Variants in RBM33 observed in about 807,000 individuals in gnomAD.
RBM33 encodes RNA-binding protein 33.
Under a neutral mutation model 132.6 loss-of-function variants are expected in RBM33, and 28 were observed. The observed-to-expected ratio is 0.21, with a 90% CI of 0.16 to 0.29. The LOEUF (loss-of-function observed/expected upper bound fraction) is 0.29. RBM33 is among the 10% of genes least tolerant of loss of function. The probability of loss-of-function intolerance (pLI) is 1.00; values close to 1 mark genes in which losing one functional copy is unlikely to be tolerated. For missense variants in RBM33, 1,291 were observed against 1,518.5 expected (o/e 0.85, Z 2.49); for synonymous variants, 634 against 593.0 (o/e 1.07, Z -1.01).
intron 13 of RBM33, 116 bp from the exon 14 acceptor site, chr7:155,744,845 T>A: frequency 9.5e-7 from 1 of 1,048,944 alleles, no homozygotes; most frequent in Non-Finnish European, 1.3e-6. Context: ...TTGAGTGACT[T>A]CTTTCAGATA....
intron 1 of RBM33, among the ~76,000 whole-genome samples, chr7:155,656,093 C>T (rs1374079311): frequency 6.6e-6 from 1 of 151,944 alleles, no homozygotes; most frequent in Non-Finnish European, 1.5e-5. Flanking sequence ...TATTTGTTGC[C>T]AATGATAATA....
chr7:155,762,932 C>T (rs1386702075), intron 14 of RBM33, among the ~76,000 whole-genome samples: 1 of 152,206 alleles, frequency 6.6e-6, no homozygotes, highest in Non-Finnish European at 1.5e-5. Flanking sequence ...CCTTGCTGTT[C>T]TTTCCCAGCC....
Position 155,742,006 on chromosome 7 carries a change from C to T in RBM33, c.2237C>T (p.Ala746Val). The change falls in exon 13 of 18, where the codon GCC becomes GTC. Residue 746 changes from alanine (A) to valine (V), a missense_variant. Ala to Val is a moderately conservative substitution (Grantham distance 64). Around this residue, in one of 7 missense-constraint regions of RBM33, gnomAD observed 841 missense variants for 912.0 expected, o/e 0.92. Transcript: ENST00000401878. ...GTCAGCGCGTCACCACCCTCGCGGG[C>T]CGTGGCGGGTTCCAGAAGCTCACAG... Reference protein sequence around the residue: ...PIVSASPPSRAVAGSRSSQGK... With the variant: ...PIVSASPPSRVVAGSRSSQGK... 2.5e-6 allele frequency: 4 copies of T among 1,614,008 alleles called. No homozygotes were observed. Among genetic ancestry groups the T allele is most frequent in the Non-Finnish European group, 3.4e-6 (4 of 1,179,902 alleles).
chr7:155,701,170 A>G (rs1799950704), intron 6 of RBM33: 1 of 548,928 alleles, frequency 1.8e-6, no homozygotes, highest in African/African-American at 2.2e-5. Flanking sequence ...AATGTTTAAG[A>G]TAATTAAAAA....
At chr7:155,655,534 CTTTTTTTTTTTT>C (rs756948005) in intron 1 of RBM33, among the ~76,000 whole-genome samples, 2 of 80,114 alleles carry the variant, frequency 2.5e-5, no homozygotes, top group Admixed American at 1.6e-4. Context: ...GGCTGTTTGC[CTTTTTTTTTTTT>C]TTTTTTTTTT....
At chr7:155,657,286 G>A (rs1798518973) in intron 1 of RBM33, among the ~76,000 whole-genome samples, 1 of 152,122 alleles carries the variant, frequency 6.6e-6, no homozygotes, top group South Asian at 2.1e-4. Context: ...CTTCCGGAGT[G>A]CCCGCGCTGA....
chr7:155,698,025 C>T (rs1041160084), intron 5 of RBM33, among the ~76,000 whole-genome samples: 1 of 152,120 alleles, frequency 6.6e-6, no homozygotes, highest in Non-Finnish European at 1.5e-5. Context: ...GCACACTACC[C>T]ATCAGTGGAA....
intron 3 of RBM33, among the ~76,000 whole-genome samples, chr7:155,675,855 A>G (rs572401861): frequency 6.6e-6 from 1 of 152,334 alleles, no homozygotes; most frequent in African/African-American, 2.4e-5. Context: ...GCAGCAGGGA[A>G]TAAGCATTGC....
intron 14 of RBM33, among the ~76,000 whole-genome samples, chr7:155,750,850 T>G (rs1801667341): frequency 6.6e-6 from 1 of 152,144 alleles, no homozygotes; most frequent in Non-Finnish European, 1.5e-5. Context: ...GGCAGCAAAT[T>G]AAGTAAACAG....
intron 5 of RBM33, among the ~76,000 whole-genome samples, chr7:155,696,891 G>A (rs1445186295): frequency 6.6e-6 from 1 of 152,156 alleles, no homozygotes; most frequent in Non-Finnish European, 1.5e-5. Context: ...CGAGTATGCT[G>A]TATGATGTCT....
At chr7:155,647,833 C>T (rs1331561202) in intron 1 of RBM33, among the ~76,000 whole-genome samples, 1 of 152,086 alleles carries the variant, frequency 6.6e-6, no homozygotes, top group Admixed American at 6.5e-5. Context: ...TTATTGGAGA[C>T]TGAAAACAAA....
chr7:155,665,476 G>A (rs1410967507), intron 2 of RBM33, among the ~76,000 whole-genome samples: 1 of 152,192 alleles, frequency 6.6e-6, no homozygotes, highest in African/African-American at 2.4e-5. Context: ...ATAGATCATA[G>A]GTCTTCTGTC....
chr7:155,673,430 GTGTGTGTGTGTA>G (rs1457931591), intron 3 of RBM33, among the ~76,000 whole-genome samples: 1 of 149,042 alleles, frequency 6.7e-6, no homozygotes, highest in Non-Finnish European at 1.5e-5. Flanking sequence ...GTGTGTGTGT[GTGTGTGTGTGTA>G]TGTGTATATA....
intron 4 of RBM33, 58 bp from the exon 5 acceptor site, chr7:155,680,532 T>G (rs1799308749): frequency 2.5e-6 from 3 of 1,194,024 alleles, no homozygotes; most frequent in Non-Finnish European, 3.4e-6. Flanking sequence ...ATATAATGAT[T>G]TAGTTTGAGC....
rs1802675620 is a variant in RBM33 at position 155,777,947 on chromosome 7, C to G, written c.*2906C>G. 2 of 152,646 alleles carry G rather than the reference C, an allele frequency of 1.3e-5. No individual in the cohort carries two copies. Among genetic ancestry groups the G allele is most frequent in the Non-Finnish European group, 2.9e-5 (2 of 68,024 alleles). The allele number at this position is 152,646 out of a possible 1,614,324, so 9.5% of individuals were successfully genotyped here. On this transcript the variant is annotated 3_prime_UTR_variant, in exon 18 of 18. Transcript: ENST00000401878. ...TATGTGGAGCCAAGTTACTTCTTTT[C>G]TTTTTGCATTATCTTGTTTTGGTTT...
intron 5 of RBM33, among the ~76,000 whole-genome samples, chr7:155,687,090 C>G (rs12111893): frequency 0.031 from 4,726 of 152,260 alleles, 234 homozygotes; most frequent in African/African-American, 0.11. Flanking sequence ...GTTTACAGTC[C>G]CACCAACAGT....
chr7:155,695,224 TTTTA>T (rs1441136204), intron 5 of RBM33, among the ~76,000 whole-genome samples: 1 of 152,146 alleles, frequency 6.6e-6, no homozygotes, highest in East Asian at 1.9e-4. Flanking sequence ...TGGGTTGTCT[TTTTA>T]TTTGTTTCTA....
In RBM33 at chr7:155,780,782, A is replaced by T. The variant is rs6962201; in HGVS notation, c.*5741A>T. ...TGACGATTTTCACACTGTGTTTACC[A>T]CTCCATCACCTCTCAACCTTTGCTT... On this transcript the variant is annotated 3_prime_UTR_variant, in exon 18 of 18. Coordinates refer to ENST00000401878, the MANE Select transcript of RBM33 (RefSeq NM_053043.3). The T allele has an allele frequency of 0.03, 4,491 of 150,692 alleles. 65 individuals carry two copies. Among genetic ancestry groups the T allele is most frequent in the Non-Finnish European group, 0.041 (2,756 of 67,656 alleles). The allele number at this position is 150,692 out of a possible 1,614,324, so 9.3% of individuals were successfully genotyped here. A position where few individuals can be genotyped will look rare whatever the true frequency, so the allele number is the denominator to read the frequency against.
intron 6 of RBM33, among the ~76,000 whole-genome samples, chr7:155,703,948 T>C (rs1421411900): frequency 6.7e-6 from 1 of 149,472 alleles, no homozygotes; most frequent in Non-Finnish European, 1.5e-5. Context: ...TGAGGTGTAC[T>C]TTTTTTTTTG....
Sources: allele counts gnomAD v4.1 joint callset (sites outside exome capture counted in the v4.1 genomes callset), GRCh38; gene constraint gnomAD v4.1.1; regional missense constraint gnomAD v4.1.1; transcripts MANE v1.5; gene names NCBI Gene and HGNC (gene_info 2026-07-23, HGNC 2026-07-21).